DOCK10: variants seen among roughly 807,000 people sequenced by gnomAD.
DOCK10 encodes dedicator of cytokinesis protein 10.
DOCK10 carries 145 observed loss-of-function variants against 280.1 expected under a neutral mutation model. The ratio of observed to expected loss-of-function variants is 0.52; its 90% confidence interval spans 0.45 to 0.59. DOCK10 has a LOEUF of 0.59. Ranked by LOEUF, DOCK10 falls within the 20% of genes least tolerant of loss-of-function variation. The pLI, the probability that DOCK10 is intolerant of heterozygous loss-of-function variation, is 0.00. For missense variants in DOCK10, 2,368 were observed against 2,651.7 expected (o/e 0.89, Z 2.35); for synonymous variants, 915 against 942.2 (o/e 0.97, Z 0.53).
At chr2:224,808,219 A>C in intron 31 of DOCK10, 133 bp from the exon 32 acceptor site, 2 of 807,252 alleles carry the variant, frequency 2.5e-6, no homozygotes, top group Non-Finnish European at 3.9e-6. Flanking sequence ...GTCTTGCTAC[A>C]GAAATGAGGT....
At chr2:224,928,573 T>A (rs1258746381) in intron 2 of DOCK10, among the ~76,000 whole-genome samples, 1 of 152,232 alleles carries the variant, frequency 6.6e-6, no homozygotes, top group African/African-American at 2.4e-5. Flanking sequence ...GTAGAGCAGT[T>A]AAAATGAGGA....
chr2:224,858,477 T>G (rs1057404911), intron 14 of DOCK10, among the ~76,000 whole-genome samples: 1 of 152,100 alleles, frequency 6.6e-6, no homozygotes, highest in Non-Finnish European at 1.5e-5. Flanking sequence ...GTTAACATGG[T>G]GAAACCCCGT....
intron 28 of DOCK10, 48 bp from the exon 29 acceptor site, chr2:224,819,577 ATT>A (rs780824573): frequency 1.6e-6 from 2 of 1,214,318 alleles, no homozygotes; most frequent in African/African-American, 1.7e-5. Flanking sequence ...TTGAAGAATC[ATT>A]AAAGATTTTA....
intron 50 of DOCK10, among the ~76,000 whole-genome samples, chr2:224,781,341 A>G (rs1270195760): frequency 1.3e-5 from 2 of 152,198 alleles, no homozygotes; most frequent in African/African-American, 4.8e-5. Context: ...TGTAAAATGA[A>G]TAAGAAGGAG....
chr2:224,938,072 G>A (rs1702790150), intron 1 of DOCK10, among the ~76,000 whole-genome samples: 1 of 152,144 alleles, frequency 6.6e-6, no homozygotes, highest in African/African-American at 2.4e-5. Flanking sequence ...CACCATTGGG[G>A]TTGCTCTAGT....
At chr2:224,928,395 T>C (rs1167507000) in intron 2 of DOCK10, among the ~76,000 whole-genome samples, 2 of 152,250 alleles carry the variant, frequency 1.3e-5, no homozygotes. Context: ...AATAAAACTT[T>C]CTTTATGGGT....
chr2:224,977,298 T>C (rs1705497977), intron 1 of DOCK10, among the ~76,000 whole-genome samples: 1 of 152,168 alleles, frequency 6.6e-6, no homozygotes, highest in Non-Finnish European at 1.5e-5. Flanking sequence ...GTGAATCTGG[T>C]GTGTGGGTAT....
intron 1 of DOCK10, among the ~76,000 whole-genome samples, chr2:225,014,092 TTTTTTG>T (rs1295667371): frequency 0.067 from 7,497 of 111,158 alleles, 474 homozygotes; most frequent in East Asian, 0.19. Context: ...TTGTTTTTTT[TTTTTTG>T]TTTTTTTTTT....
intron 1 of DOCK10, among the ~76,000 whole-genome samples, chr2:225,014,688 AT>A (rs1470162422): frequency 6.6e-6 from 1 of 152,074 alleles, no homozygotes; most frequent in Non-Finnish European, 1.5e-5. Flanking sequence ...CTTAGTTTTA[AT>A]ATGGCTAAAT....
intron 2 of DOCK10, among the ~76,000 whole-genome samples, chr2:224,929,027 T>C (rs1427445494): frequency 6.6e-6 from 1 of 152,254 alleles, no homozygotes; most frequent in Non-Finnish European, 1.5e-5. Context: ...TTCCCCAGCA[T>C]GGCTGATCCT....
chr2:224,955,781 G>A (rs1278024336), intron 1 of DOCK10, among the ~76,000 whole-genome samples: 1 of 152,142 alleles, frequency 6.6e-6, no homozygotes, highest in African/African-American at 2.4e-5. Flanking sequence ...AGTAGTTAAG[G>A]TCCCCAATTA....
intron 31 of DOCK10, among the ~76,000 whole-genome samples, chr2:224,812,277 GCT>G (rs1693834375): frequency 6.6e-6 from 1 of 151,874 alleles, no homozygotes; most frequent in South Asian, 2.1e-4. Flanking sequence ...TCATGATTTG[GCT>G]CTCTGTTTGT....
At chr2:224,901,019 A>ATCTGTGATT (rs1279914066) in intron 3 of DOCK10, among the ~76,000 whole-genome samples, 18 of 152,184 alleles carry the variant, frequency 1.2e-4, no homozygotes, top group Non-Finnish European at 4.4e-5. Flanking sequence ...ATGCTTCTAA[A>ATCTGTGATT]TCTGTGATTT....
At chr2:224,826,762 T>G (rs1439642776) in intron 27 of DOCK10, among the ~76,000 whole-genome samples, 1 of 151,598 alleles carries the variant, frequency 6.6e-6, no homozygotes, top group East Asian at 1.9e-4. Context: ...TATCTATCTA[T>G]CTATCTATCT....
chr2:224,979,085 C>T (rs1705610698), intron 1 of DOCK10, among the ~76,000 whole-genome samples: 1 of 152,210 alleles, frequency 6.6e-6, no homozygotes, highest in African/African-American at 2.4e-5. Context: ...GCAACCGCTT[C>T]CTAATTAATG....
rs1315818168 is a variant in DOCK10, at chr2:225,042,447, A to G, written c.-73T>C. Reference sequence around the variant, plus strand: ...GGTCTTCCCCGCGCCAACCTTCTCTATCCACCCGCCGTTCAGGAAGCGGAA... The same window carrying G: ...GGTCTTCCCCGCGCCAACCTTCTCTGTCCACCCGCCGTTCAGGAAGCGGAA... On this transcript the variant is annotated 5_prime_UTR_variant, in exon 1 of 56. Transcript: ENST00000258390. The surrounding 1 kb of genome is among the most constrained non-coding windows in gnomAD (Gnocchi z 5.1). 5.7e-6 allele frequency: 7 copies of G among 1,218,270 alleles called. No individual in the cohort carries two copies. The East Asian group carries it at 2.0e-4, about 34-fold the overall frequency. 75.5% of individuals were successfully genotyped at this position (1,218,270 alleles called of 1,614,324 possible).
chr2:224,814,942 AT>A (rs1694028068), intron 30 of DOCK10, among the ~76,000 whole-genome samples: 1 of 152,168 alleles, frequency 6.6e-6, no homozygotes, highest in South Asian at 2.1e-4. Flanking sequence ...TATGTTCATT[AT>A]TTATAGTATC....
At chr2:224,925,661 G>C (rs1702007817) in intron 2 of DOCK10, among the ~76,000 whole-genome samples, 1 of 152,168 alleles carries the variant, frequency 6.6e-6, no homozygotes, top group South Asian at 2.1e-4. Context: ...TACTGGTGTG[G>C]ACAAAATTGA....
intron 1 of DOCK10, among the ~76,000 whole-genome samples, chr2:225,002,861 G>A (rs1171107140): frequency 6.6e-6 from 1 of 151,132 alleles, no homozygotes; most frequent in African/African-American, 2.4e-5. Flanking sequence ...AAGCCAGCAG[G>A]TGGCATCTCG....
Sources: allele counts gnomAD v4.1 joint callset (sites outside exome capture counted in the v4.1 genomes callset), GRCh38; gene constraint gnomAD v4.1.1; non-coding constraint Gnocchi (gnomAD v3.1); transcripts MANE v1.5; gene names NCBI Gene and HGNC (gene_info 2026-07-23, HGNC 2026-07-21).